The following PTPRM variants were observed in gnomAD, a reference collection of about 807,000 sequenced individuals.
PTPRM encodes the protein receptor-type tyrosine-protein phosphatase mu.
PTPRM carries 47 observed loss-of-function variants against 186.7 expected under a neutral mutation model. The observed-to-expected ratio is 0.25, with a 90% CI of 0.20 to 0.32. PTPRM has a LOEUF of 0.32. Ranked by LOEUF, PTPRM falls within the 10% of genes least tolerant of loss-of-function variation. The pLI is 1.00. For synonymous variants in PTPRM, 668 were observed against 674.9 expected (o/e 0.99, Z 0.16); for missense variants, 1,494 against 1,865.0 (o/e 0.80, Z 3.66).
At position 7,700,347 on chromosome 18, in the gene PTPRM, G is replaced by C. The variant is rs1233651454; in HGVS notation, c.74-73802G>C. On this transcript the variant is annotated intron_variant, in intron 1 of 32. Coordinates refer to ENST00000580170, the MANE Select transcript of PTPRM (RefSeq NM_001105244.2). ...GGGGTTTTATGCCTTGTAGAACCCA[G>C]TGTGAGCAAGATTTGGGTACCCTAC... 5.9e-5 allele frequency among the ~76,000 whole-genome samples: 9 copies of C among 152,304 alleles called. No homozygotes were observed. The East Asian group carries it at 1.7e-3, about 30-fold the overall frequency.
chr18:7,931,139 G>A lies in PTPRM; in HGVS notation c.663+4456G>A, dbSNP rs147393795. Among the ~76,000 whole-genome samples, 738 of 152,126 alleles carry A rather than the reference G, an allele frequency of 4.9e-3. 5 individuals are homozygous for A. Among genetic ancestry groups the A allele is most frequent in the African/African-American group, 0.017 (703 of 41,504 alleles). On this transcript the variant is annotated intron_variant, in intron 5 of 32. Transcript: ENST00000580170. Reference sequence around the variant, plus strand: ...TTGAAGATACTTGTGATATGTTATCGGATATGGCAATCTATTCATATAAAC... The same window carrying A: ...TTGAAGATACTTGTGATATGTTATCAGATATGGCAATCTATTCATATAAAC...
At chr18:7,774,933 T>C (rs532416159) in intron 2 of PTPRM, among the ~76,000 whole-genome samples, 15 of 152,312 alleles carry the variant, frequency 9.8e-5, no homozygotes, top group African/African-American at 3.1e-4. Context: ...GGCTATGACA[T>C]TGGACATCCC....
At chr18:7,761,242 A>G (rs1201384263) in intron 1 of PTPRM, among the ~76,000 whole-genome samples, 1 of 152,236 alleles carries the variant, frequency 6.6e-6, no homozygotes, top group Non-Finnish European at 1.5e-5. Flanking sequence ...TAAAAAATTA[A>G]TAAGGAAAAA....
At chr18:7,684,340 A>C (rs1388392730) in intron 1 of PTPRM, among the ~76,000 whole-genome samples, 4 of 152,108 alleles carry the variant, frequency 2.6e-5, no homozygotes, top group African/African-American at 9.7e-5. Context: ...AAAATAAATA[A>C]CATGGTAAGA....
intron 2 of PTPRM, among the ~76,000 whole-genome samples, chr18:7,802,056 A>G (rs2043998979): frequency 6.6e-6 from 1 of 152,194 alleles, no homozygotes; most frequent in South Asian, 2.1e-4. Context: ...TCCTTCTCTT[A>G]GGGATAGCAG....
intron 2 of PTPRM, among the ~76,000 whole-genome samples, chr18:7,873,318 C>A (rs1485624591): frequency 1.3e-5 from 2 of 152,130 alleles, no homozygotes; most frequent in African/African-American, 2.4e-5. Context: ...CTCCAGAGAG[C>A]ATATGCCACC....
chr18:8,401,035 A>G (rs2095869662), intron 32 of PTPRM, among the ~76,000 whole-genome samples: 1 of 151,540 alleles, frequency 6.6e-6, no homozygotes. Context: ...CTAATACCCC[A>G]TCCCCTCTCC....
intron 2 of PTPRM, among the ~76,000 whole-genome samples, chr18:7,842,784 C>A (rs886647209): frequency 6.7e-6 from 1 of 148,800 alleles, no homozygotes; most frequent in African/African-American, 2.5e-5. Context: ...CTCTCTCTGG[C>A]TTTCTGTACA....
At chr18:7,973,191 A>G (rs2147331984) in intron 7 of PTPRM, among the ~76,000 whole-genome samples, 1 of 152,214 alleles carries the variant, frequency 6.6e-6, no homozygotes, top group African/African-American at 2.4e-5. Flanking sequence ...ATTTCAGTAA[A>G]TATCTATAAA....
intron 8 of PTPRM, among the ~76,000 whole-genome samples, chr18:8,070,924 G>T (rs2089436912): frequency 6.6e-6 from 1 of 152,156 alleles, no homozygotes; most frequent in African/African-American, 2.4e-5. Flanking sequence ...ATTGTGAGTT[G>T]AATGTTTAGA....
intron 3 of PTPRM, among the ~76,000 whole-genome samples, chr18:7,892,963 G>A (rs2049157832): frequency 6.6e-6 from 1 of 152,182 alleles, no homozygotes; most frequent in African/African-American, 2.4e-5. Context: ...CCATTTTTGG[G>A]ATTAGGGTTT....
intron 4 of PTPRM, among the ~76,000 whole-genome samples, chr18:7,911,759 A>G (rs1428298405): frequency 9.0e-6 from 1 of 111,224 alleles, no homozygotes; most frequent in Non-Finnish European, 1.6e-5. Context: ...TTCATCACTT[A>G]GATACAAAAC....
chr18:8,386,027 G>A (rs981483880), intron 30 of PTPRM, among the ~76,000 whole-genome samples: 5 of 152,138 alleles, frequency 3.3e-5, no homozygotes, highest in African/African-American at 1.2e-4. Context: ...GAGCTAGGAT[G>A]ATGGAATGGA....
intron 20 of PTPRM, 68 bp from the exon 21 acceptor site, chr18:8,314,712 TC>T: frequency 9.0e-7 from 1 of 1,107,266 alleles, no homozygotes; most frequent in Non-Finnish European, 1.4e-6. Flanking sequence ...ATGCTTACAT[TC>T]TGGGGCTCAG....
At chr18:8,396,122 C>A (rs1278126298) in intron 32 of PTPRM, among the ~76,000 whole-genome samples, 3 of 152,220 alleles carry the variant, frequency 2.0e-5, no homozygotes, top group East Asian at 1.9e-4. Flanking sequence ...TCCCTCCCTG[C>A]AATCCCACCT....
At chr18:7,598,499 A>T (rs972795261) in intron 1 of PTPRM, among the ~76,000 whole-genome samples, 1 of 152,208 alleles carries the variant, frequency 6.6e-6, no homozygotes, top group African/African-American at 2.4e-5. Flanking sequence ...GTTCTTTGGG[A>T]TGCAGGGACA....
At chr18:7,770,085 C>G (rs2042205500) in intron 1 of PTPRM, among the ~76,000 whole-genome samples, 1 of 152,130 alleles carries the variant, frequency 6.6e-6, no homozygotes, top group African/African-American at 2.4e-5. Context: ...GGGAGCCAGT[C>G]CAGGTGTGAC....
intron 14 of PTPRM, among the ~76,000 whole-genome samples, chr18:8,178,329 G>C (rs1327440095): frequency 6.6e-6 from 1 of 152,144 alleles, no homozygotes; most frequent in African/African-American, 2.4e-5. Context: ...CGTCATTCTT[G>C]AAACACAATT....
intron 1 of PTPRM, among the ~76,000 whole-genome samples, chr18:7,706,433 CA>C (rs1444483811): frequency 1.3e-5 from 2 of 150,644 alleles, no homozygotes; most frequent in Non-Finnish European, 3.0e-5. Flanking sequence ...CCTACTTCTA[CA>C]AAAAAATAAA....
Sources: allele counts gnomAD v4.1 joint callset (sites outside exome capture counted in the v4.1 genomes callset), GRCh38; gene constraint gnomAD v4.1.1; transcripts MANE v1.5; gene names NCBI Gene and HGNC (gene_info 2026-07-23, HGNC 2026-07-21).